PLEKHH1: variants seen among roughly 807,000 people sequenced by gnomAD.
PLEKHH1 encodes the protein pleckstrin homology domain-containing family H member 1.
Under a neutral mutation model 160.0 loss-of-function variants are expected in PLEKHH1, and 104 were observed. The ratio of observed to expected loss-of-function variants is 0.65; its 90% CI spans 0.55 to 0.76. The LOEUF (loss-of-function observed/expected upper bound fraction) is 0.76, where lower values mean the gene tolerates loss of function less well. PLEKHH1 is among the 30% of genes least tolerant of loss of function. The pLI is 0.00. For synonymous variants in PLEKHH1, 619 were observed against 678.4 expected, an observed-to-expected ratio of 0.91 and a Z score of 1.36; for missense variants, 1,427 against 1,724.1, an observed-to-expected ratio of 0.83 and a Z score of 3.05.
At chr14:67,577,148 C>T (rs912279797) in intron 17 of PLEKHH1, among the ~76,000 whole-genome samples, 154 bp from the exon 18 acceptor site, 2 of 152,180 alleles carry the variant, frequency 1.3e-5, no homozygotes, top group Non-Finnish European at 2.9e-5. Flanking sequence ...CACCTGTACA[C>T]CCCACACTCT....
chr14:67,579,915 C>A (rs1215318964), intron 22 of PLEKHH1, 39 bp downstream of exon 22: 6 of 1,550,174 alleles, frequency 3.9e-6, no homozygotes, highest in Non-Finnish European at 5.2e-6. Context: ...CCCCTCCCTG[C>A]TCAGGGATAT....
chr14:67,560,237 G>A (rs568850608), intron 5 of PLEKHH1, among the ~76,000 whole-genome samples: 125 of 152,218 alleles, frequency 8.2e-4, no homozygotes, highest in African/African-American at 2.8e-3. Flanking sequence ...ATGTTGGCCA[G>A]GCTGGTCTCG....
chr14:67,586,867 G>C lies in PLEKHH1; in HGVS notation c.3934-207G>C, dbSNP rs576890311. ...TCTCAGAAGGGCACTGTGCATCTGA[G>C]AGGATCTCCAGACCAACAGGAGCCC... is the stretch of plus-strand genomic sequence containing the variant. On this transcript the variant is annotated intron_variant, in intron 28 of 28. Transcript: ENST00000329153. 43 of 1,516,382 alleles carry C rather than the reference G, an allele frequency of 2.8e-5. No homozygotes were observed. The South Asian group carries it at 4.9e-4, about 17-fold the overall frequency. 93.9% of individuals were successfully genotyped at this position (1,516,382 alleles called of 1,614,324 possible). A position where few individuals can be genotyped will look rare whatever the true frequency, so the allele number is the denominator to read the frequency against.
rs1200401824 is a variant in PLEKHH1 at position 67,587,714 on chromosome 14, A to G, written c.*479A>G. The G allele has an allele frequency of 6.1e-6, 1 of 164,446 alleles. No individual in the cohort carries two copies. Among genetic ancestry groups the G allele is most frequent in the Admixed American group, 6.0e-5 (1 of 16,630 alleles). 10.2% of individuals were successfully genotyped at this position (164,446 alleles called of 1,614,324 possible). A position where few individuals can be genotyped will look rare whatever the true frequency, so the allele number is the denominator to read the frequency against. On this transcript the variant is annotated 3_prime_UTR_variant, in exon 29 of 29. Coordinates refer to ENST00000329153, the MANE Select transcript of PLEKHH1 (RefSeq NM_020715.3). ...AGGTGTGCGCCACCATGCCCGGCTA[A>G]TTTTTGTATTTTTAGTAGAGACGGG... is the stretch of plus-strand genomic sequence containing the variant.
intron 7 of PLEKHH1, among the ~76,000 whole-genome samples, chr14:67,564,117 G>A (rs2034973351): frequency 6.6e-6 from 1 of 151,522 alleles, no homozygotes; most frequent in African/African-American, 2.4e-5. Context: ...TAGCCAGGAT[G>A]GTCTCGATCT....
At chr14:67,536,020 G>A (rs191896318) in intron 1 of PLEKHH1, among the ~76,000 whole-genome samples, 8 of 152,326 alleles carry the variant, frequency 5.3e-5, no homozygotes, top group South Asian at 2.1e-4. Flanking sequence ...GCCTGAGCTC[G>A]TATTCAAACC....
At chr14:67,566,977 C>G (rs1257007174) in intron 7 of PLEKHH1, among the ~76,000 whole-genome samples, 1 of 152,116 alleles carries the variant, frequency 6.6e-6, no homozygotes, top group African/African-American at 2.4e-5. Flanking sequence ...GTCAGGTCTT[C>G]CCACAGAACC....
chr14:67,544,313 TA>T (rs1460634725), intron 2 of PLEKHH1, among the ~76,000 whole-genome samples: 1 of 152,166 alleles, frequency 6.6e-6, no homozygotes, highest in Admixed American at 6.5e-5. Flanking sequence ...GGATTTATAC[TA>T]CCTGTGTGGT....
At position 67,569,222 on chromosome 14, in the gene PLEKHH1, T is replaced by G; in HGVS notation, c.1342+6T>G. The G allele has an allele frequency of 6.2e-7, 1 of 1,604,920 alleles. No individual in the cohort carries two copies. The highest frequency in any genetic ancestry group is 1.1e-5 in the South Asian group (1 of 90,886). The stretch of plus-strand genomic sequence containing the variant: ...AAGTAATACTGCATGCTGCGGTGAG[T>G]TCCAAGTGAGGCTTGGAGGCACCAA... On this transcript the variant is annotated splice_donor_region_variant and intron_variant, in intron 8 of 28. Transcript: ENST00000329153.
Position 67,585,569 on chromosome 14 carries a change from C to A in PLEKHH1, c.3701C>A (p.Pro1234His), listed in dbSNP as rs1055725998. Residue 1234 changes from proline (P) to histidine (H), a missense_variant and splice_region_variant, in exon 27 of 29, where the codon CCT (proline) becomes CAT (histidine). Transcript: ENST00000329153. ...GATGGGTTGTTTCTGTTTCCCCAGC[C>A]TGCCCAGCTGTCTTCCAAGGAGAAC... ...FFGAKLFAAQ[P>H]AQLSSKENAL... 1.2e-5 allele frequency: 19 copies of A among 1,575,182 alleles called. No individual in the cohort carries two copies. The highest frequency in any genetic ancestry group is 1.5e-5 in the Non-Finnish European group (17 of 1,158,692).
chr14:67,557,044 T>C (rs188996992), intron 3 of PLEKHH1, among the ~76,000 whole-genome samples: 1 of 152,342 alleles, frequency 6.6e-6, no homozygotes, highest in Admixed American at 6.5e-5. Context: ...ATCTCTCCAT[T>C]ACTAACTATG....
Position 67,574,036 on chromosome 14 carries a change from A to G in PLEKHH1, c.1926+149A>G. On this transcript the variant is annotated intron_variant, in intron 13 of 28. Coordinates refer to ENST00000329153, the MANE Select transcript of PLEKHH1 (RefSeq NM_020715.3). The surrounding 1 kb of genome is among the most constrained non-coding windows in gnomAD (Gnocchi z 4.2). The stretch of plus-strand genomic sequence containing the variant: ...CGTGATCCTAACTTGTGAGTACAAG[A>G]AAGGAAGATGAGACAGAATATGAGA... 2.8e-6 allele frequency: 2 copies of G among 710,436 alleles called. No individual in the cohort carries two copies. Among genetic ancestry groups the G allele is most frequent in the Middle Eastern group, 2.8e-4 (1 of 3,574 alleles). 44.0% of individuals were successfully genotyped at this position (710,436 alleles called of 1,614,324 possible).
chr14:67,585,580 T>A lies in PLEKHH1; in HGVS notation c.3712T>A (p.Ser1238Thr). 6.3e-7 allele frequency: 1 copy of A among 1,581,288 alleles called. No individual in the cohort carries two copies. The highest frequency in any genetic ancestry group is 8.6e-7 in the Non-Finnish European group (1 of 1,162,396). ...KLFAAQPAQL[S>T]SKENALVWIA... ...TCTGTTTCCCCAGCCTGCCCAGCTG[T>A]CTTCCAAGGAGAACGCTCTGGTGTG... is the stretch of plus-strand genomic sequence containing the variant. The change falls in exon 27 of 29, where the codon TCT becomes ACT. Residue 1238 changes from serine to threonine, a missense_variant. Around this residue, in one of 6 missense-constraint regions of PLEKHH1, gnomAD observed 56 missense variants for 53.0 expected, o/e 1.06. Coordinates refer to ENST00000329153, the MANE Select transcript of PLEKHH1 (RefSeq NM_020715.3).
In PLEKHH1 at chr14:67,542,063, GA is replaced by G. The variant is rs1468041456; in HGVS notation, c.126+71del. 3.6e-6 allele frequency: 5 copies of G among 1,394,578 alleles called. No individual in the cohort carries two copies. The African/African-American group carries it at 7.3e-5, about 20-fold the overall frequency. The allele number at this position is 1,394,578 out of a possible 1,614,324, so 86.4% of individuals were successfully genotyped here. A position where few individuals can be genotyped will look rare whatever the true frequency, so the allele number is the denominator to read the frequency against. The stretch of plus-strand genomic sequence containing the variant: ...TTATGGCAGGGAGGGCCGTGTGAGA[GA>G]GGGAGAGTTGCGGAAAGTCAACTTT... On this transcript the variant is annotated intron_variant, in intron 2 of 28. Transcript: ENST00000329153.
chr14:67,575,759 C>A, intron 15 of PLEKHH1, 64 bp from the exon 16 acceptor site: 1 of 1,234,260 alleles, frequency 8.1e-7, no homozygotes, highest in Non-Finnish European at 1.2e-6. Flanking sequence ...CCTATGTATT[C>A]AGAGAGAGGA....
Position 67,576,861 on chromosome 14 carries a change from G to A in PLEKHH1, c.2461+358G>A, listed in dbSNP as rs975707614. 1.3e-5 allele frequency among the ~76,000 whole-genome samples: 2 copies of A among 152,146 alleles called. No homozygotes were observed. Among genetic ancestry groups the A allele is most frequent in the South Asian group, 2.1e-4 (1 of 4,822 alleles). On this transcript the variant is annotated intron_variant, in intron 17 of 28. Coordinates refer to ENST00000329153, the MANE Select transcript of PLEKHH1 (RefSeq NM_020715.3). This position sits in a 1 kb window ranked among gnomAD's most constrained non-coding sequence, Gnocchi z 4.0. The stretch of plus-strand genomic sequence containing the variant: ...AACAAGTGAAGCCTAAATTGGGATC[G>A]GACTAACCTGTTTGGAGTCTTTCTT...
chr14:67,560,035 T>G (rs2034764960), intron 5 of PLEKHH1, among the ~76,000 whole-genome samples: 1 of 152,168 alleles, frequency 6.6e-6, no homozygotes, highest in Non-Finnish European at 1.5e-5. Context: ...ATTTATTTAT[T>G]TATTTATTGG....
At position 67,581,692 on chromosome 14, in the gene PLEKHH1, A is replaced by G. The variant is rs79513409; in HGVS notation, c.3285-377A>G. The G allele has an allele frequency of 4.3e-3, 846 of 198,476 alleles. 17 individuals carry two copies. Among genetic ancestry groups the G allele is most frequent in the African/African-American group, 0.019 (813 of 42,776 alleles). The allele number at this position is 198,476 out of a possible 1,614,324, so 12.3% of individuals were successfully genotyped here. ...AAGTAGACATCCTGACTTTCTATCAATTTGAGTAAGAAAATCCCATCCCTC... is the reference window on the plus strand; with the variant it reads ...AAGTAGACATCCTGACTTTCTATCAGTTTGAGTAAGAAAATCCCATCCCTC... On this transcript the variant is annotated intron_variant, in intron 23 of 28. Coordinates refer to ENST00000329153, the MANE Select transcript of PLEKHH1 (RefSeq NM_020715.3).
At chr14:67,559,106 G>C (rs2034714857) in intron 4 of PLEKHH1, among the ~76,000 whole-genome samples, 1 of 152,174 alleles carries the variant, frequency 6.6e-6, no homozygotes, top group African/African-American at 2.4e-5. Context: ...TGCCCAGCCA[G>C]GCTGCTCCTC....
Sources: gnomAD v4.1 joint callset for allele counts (sites outside exome capture counted in the v4.1 genomes callset) on GRCh38, gnomAD v4.1.1 for gene constraint, gnomAD v4.1.1 regional missense constraint, Gnocchi (gnomAD v3.1) non-coding constraint, MANE v1.5 for transcripts, NCBI Gene and HGNC (gene_info 2026-07-23, HGNC 2026-07-21) for gene names.